SGCZ: variants seen among roughly 807,000 people sequenced by gnomAD.
The protein encoded by SGCZ is zeta-sarcoglycan.
Under a neutral mutation model 41.3 loss-of-function variants are expected in SGCZ, and 40 were observed. The ratio of observed to expected loss-of-function variants is 0.97; its 90% confidence interval spans 0.75 to 1.26. The LOEUF (loss-of-function observed/expected upper bound fraction) is 1.26. SGCZ is among the 50% of genes most tolerant of loss of function. The probability of loss-of-function intolerance (pLI) is 0.00; values close to 1 mark genes in which losing one functional copy is unlikely to be tolerated. For missense variants in SGCZ, 552 were observed against 369.8 expected, an observed-to-expected ratio of 1.49 and a Z score of -4.04; for synonymous variants, 206 against 137.5, an observed-to-expected ratio of 1.50 and a Z score of -3.49.
chr8:14,097,929 C>T (rs1801894563), intron 7 of SGCZ, among the ~76,000 whole-genome samples: 1 of 151,696 alleles, frequency 6.6e-6, no homozygotes, highest in Non-Finnish European at 1.5e-5. Flanking sequence ...TTTTATTTGA[C>T]TCTCCCATTG....
intron 1 of SGCZ, among the ~76,000 whole-genome samples, chr8:14,765,376 A>T (rs1427370241): frequency 6.6e-6 from 1 of 152,238 alleles, no homozygotes. Flanking sequence ...TATATAAAGT[A>T]TTAATATATA....
chr8:15,088,076 T>C (rs1585550139), intron 1 of SGCZ, among the ~76,000 whole-genome samples: 3 of 152,096 alleles, frequency 2.0e-5, no homozygotes, highest in Admixed American at 1.3e-4. Flanking sequence ...TCATACTGAA[T>C]AGAAAAAGGA....
At chr8:14,154,945 G>A (rs1276375221) in intron 5 of SGCZ, among the ~76,000 whole-genome samples, 2 of 152,110 alleles carry the variant, frequency 1.3e-5, no homozygotes, top group African/African-American at 2.4e-5. Flanking sequence ...CTCAGCTGTC[G>A]CCCAGTGGAG....
At chr8:14,572,819 G>A (rs933990336) in intron 1 of SGCZ, among the ~76,000 whole-genome samples, 1 of 152,094 alleles carries the variant, frequency 6.6e-6, no homozygotes, top group Non-Finnish European at 1.5e-5. Context: ...TCCCACAAAT[G>A]AATAGAAACC....
chr8:14,853,761 G>A (rs1389185927), intron 1 of SGCZ, among the ~76,000 whole-genome samples: 1 of 151,810 alleles, frequency 6.6e-6, no homozygotes, highest in African/African-American at 2.4e-5. Flanking sequence ...GAGAGAGGAA[G>A]GGAGAAAAAT....
intron 1 of SGCZ, among the ~76,000 whole-genome samples, chr8:14,999,490 G>A (rs557640393): frequency 6.6e-6 from 1 of 152,072 alleles, no homozygotes; most frequent in African/African-American, 2.4e-5. Context: ...GCTAAATCAA[G>A]GATAACCAAA....
At chr8:15,109,169 A>T (rs1279802221) in intron 1 of SGCZ, among the ~76,000 whole-genome samples, 1 of 152,224 alleles carries the variant, frequency 6.6e-6, no homozygotes, top group Non-Finnish European at 1.5e-5. Context: ...TTTCTTGATG[A>T]TGATGGAGAT....
chr8:14,472,468 T>G (rs79483783), intron 2 of SGCZ, among the ~76,000 whole-genome samples: 8,256 of 152,108 alleles, frequency 0.054, 724 homozygotes, highest in African/African-American at 0.19. Flanking sequence ...TATATTCACT[T>G]TGTACTTACT....
At chr8:14,237,280 C>A (rs112568277) in intron 4 of SGCZ, among the ~76,000 whole-genome samples, 1 of 151,998 alleles carries the variant, frequency 6.6e-6, no homozygotes, top group African/African-American at 2.4e-5. Context: ...ACATGACTAG[C>A]CTATGACAAG....
intron 1 of SGCZ, among the ~76,000 whole-genome samples, chr8:14,972,967 G>A (rs1038452018): frequency 6.6e-6 from 1 of 151,962 alleles, no homozygotes; most frequent in East Asian, 1.9e-4. Flanking sequence ...TTTCTTTCTG[G>A]TGTCATGTTC....
intron 1 of SGCZ, among the ~76,000 whole-genome samples, chr8:14,598,438 T>G (rs1187410335): frequency 6.6e-6 from 1 of 152,104 alleles, no homozygotes; most frequent in African/African-American, 2.4e-5. Context: ...AAAAATTTTG[T>G]TTGTGTGTAT....
At chr8:14,845,313 C>T (rs529215744) in intron 1 of SGCZ, among the ~76,000 whole-genome samples, 1 of 152,112 alleles carries the variant, frequency 6.6e-6, no homozygotes, top group African/African-American at 2.4e-5. Context: ...ACATGCCTAA[C>T]AATTCTTAAA....
chr8:14,673,327 T>C (rs1347355062), intron 1 of SGCZ, among the ~76,000 whole-genome samples: 1 of 148,410 alleles, frequency 6.7e-6, no homozygotes, highest in Non-Finnish European at 1.5e-5. Flanking sequence ...ATGGGGGTGG[T>C]TTCCCCCATG....
chr8:14,888,880 A>G (rs141921626), intron 1 of SGCZ, among the ~76,000 whole-genome samples: 10 of 152,268 alleles, frequency 6.6e-5, no homozygotes, highest in Admixed American at 1.3e-4. Context: ...TTAAAATATT[A>G]CTTTAATGAT....
intron 1 of SGCZ, among the ~76,000 whole-genome samples, chr8:15,232,715 G>A (rs944029448): frequency 6.9e-6 from 1 of 144,602 alleles, no homozygotes; most frequent in East Asian, 2.0e-4. Context: ...ACATATATAT[G>A]TGTGTATATA....
chr8:14,113,788 C>G (rs1260027615), intron 5 of SGCZ, among the ~76,000 whole-genome samples: 1 of 152,026 alleles, frequency 6.6e-6, no homozygotes, highest in African/African-American at 2.4e-5. Flanking sequence ...AACCCAGTGT[C>G]TGTAGAAGTC....
intron 1 of SGCZ, among the ~76,000 whole-genome samples, chr8:14,584,865 T>A (rs1344058454): frequency 6.6e-6 from 1 of 152,118 alleles, no homozygotes; most frequent in African/African-American, 2.4e-5. Context: ...TTATTCCCAA[T>A]TTTGTAGAAA....
intron 5 of SGCZ, among the ~76,000 whole-genome samples, chr8:14,110,101 T>A (rs1285101414): frequency 6.6e-6 from 1 of 152,170 alleles, no homozygotes. Flanking sequence ...AGTGGAACAT[T>A]CCTCAAGGTG....
chr8:14,324,180 T>C lies in SGCZ; in HGVS notation c.259A>G (p.Thr87Ala). 1 of 1,612,858 alleles carries C rather than the reference T, an allele frequency of 6.2e-7. No homozygotes were observed. ...TVDGMGNLRV[T>A]KKGIRLEGIS... ...CCTTCAAGTCGGATTCCCTTCTTGG[T>C]GACTCTCAGATTTCCCATACCATCC... Residue 87 changes from threonine to alanine, a missense_variant, in exon 3 of 8, where the codon ACC becomes GCC. By Grantham distance (58) the Thr-to-Ala change is moderately conservative. Transcript: ENST00000382080.
Sources: gnomAD v4.1 joint callset for allele counts (sites outside exome capture counted in the v4.1 genomes callset) on GRCh38, gnomAD v4.1.1 for gene constraint, MANE v1.5 for transcripts, NCBI Gene and HGNC (gene_info 2026-07-23, HGNC 2026-07-21) for gene names.